The following KAT14 variants were observed in gnomAD, a reference collection of about 807,000 sequenced individuals.
KAT14 encodes the protein lysine acetyltransferase 14.
In KAT14, 66 loss-of-function variants were observed where a neutral mutation model predicts 78.4. The ratio of observed to expected loss-of-function variants is 0.84; its 90% CI spans 0.69 to 1.03. The LOEUF is 1.03. KAT14 is among the 50% of genes least tolerant of loss of function. The pLI is 0.00. For synonymous variants in KAT14, 344 were observed against 359.4 expected (o/e 0.96, Z 0.48); for missense variants, 870 against 972.5 (o/e 0.89, Z 1.40).
In KAT14 at chr20:18,162,958, A is replaced by G; in HGVS notation, c.1668+13A>G. The G allele has an allele frequency of 6.2e-7, 1 of 1,611,372 alleles. No individual in the cohort carries two copies. Among genetic ancestry groups the G allele is most frequent in the Admixed American group, 1.7e-5 (1 of 59,818 alleles). ...TGACCGATACCAGGTGAATGCAAGC[A>G]CTTGCTGTAAAGCCCTTGGGGGCAG... On this transcript the variant is annotated intron_variant, in intron 7 of 10. Coordinates refer to ENST00000688188, the MANE Select transcript of KAT14 (RefSeq NM_001392073.1).
intron 4 of KAT14, among the ~76,000 whole-genome samples, chr20:18,157,774 T>C (rs550629321): frequency 6.6e-6 from 1 of 152,330 alleles, no homozygotes; most frequent in Non-Finnish European, 1.5e-5. Flanking sequence ...CATTGCAGTA[T>C]GTGATAGGAT....
At chr20:18,170,256 C>T (rs2038797897) in intron 7 of KAT14, among the ~76,000 whole-genome samples, 1 of 152,296 alleles carries the variant, frequency 6.6e-6, no homozygotes, top group Middle Eastern at 3.4e-3. Context: ...GAAGATGCCA[C>T]CTAGGACTTT....
rs182752173 is a variant in KAT14, at chr20:18,165,420, A to G, written c.1668+2475A>G. Among the ~76,000 whole-genome samples, 691 of 152,232 alleles carry G rather than the reference A, an allele frequency of 4.5e-3. 5 individuals are homozygous for G. The highest frequency in any genetic ancestry group is 0.016 in the African/African-American group (663 of 41,530). On this transcript the variant is annotated intron_variant, in intron 7 of 10. Transcript: ENST00000688188. ...CTTATCTGGAAATAGGCCCTTTGCA[A>G]ATATAATTAGCCAAGACCACCAAGG...
intron 7 of KAT14, among the ~76,000 whole-genome samples, chr20:18,175,287 G>A (rs2038995282): frequency 6.6e-6 from 1 of 152,102 alleles, no homozygotes; most frequent in African/African-American, 2.4e-5. Context: ...TGCCCAGAGT[G>A]GTATCCACCC....
intron 7 of KAT14, among the ~76,000 whole-genome samples, chr20:18,180,135 C>G (rs2039196075): frequency 6.6e-6 from 1 of 152,172 alleles, no homozygotes; most frequent in Admixed American, 6.5e-5. Context: ...TCCCATAGTG[C>G]TAGGATTACA....
At chr20:18,180,550 CT>C (rs1317999485) in intron 7 of KAT14, among the ~76,000 whole-genome samples, 1 of 152,154 alleles carries the variant, frequency 6.6e-6, no homozygotes, top group African/African-American at 2.4e-5. Context: ...CAACACCCCA[CT>C]CCTGGTACCA....
At chr20:18,173,335 C>T (rs958951662) in intron 7 of KAT14, among the ~76,000 whole-genome samples, 5 of 152,204 alleles carry the variant, frequency 3.3e-5, no homozygotes, top group Admixed American at 6.5e-5. Flanking sequence ...AGGCTCTGCT[C>T]CCGTGTGCTG....
chr20:18,162,427 G>A lies in KAT14; in HGVS notation c.1150G>A (p.Val384Ile), dbSNP rs766608395. ...AGTCATAGACCCAGGGATGGAGTAC[G>A]TCCCACCCCCTGCTGGGTCAGTAGC... ...DGVIDPGMEY[V>I]PPPAGSVASG... Residue 384 changes from valine (V) to isoleucine (I), a missense_variant, in exon 7 of 11, where the codon GTC becomes ATC. Coordinates refer to ENST00000688188, the MANE Select transcript of KAT14 (RefSeq NM_001392073.1). The A allele has an allele frequency of 1.7e-5, 28 of 1,613,982 alleles. No homozygotes were observed. Among genetic ancestry groups the A allele is most frequent in the African/African-American group, 1.1e-4 (8 of 74,904 alleles).
At chr20:18,154,370 C>T (rs554489433) in intron 4 of KAT14, among the ~76,000 whole-genome samples, 4 of 152,206 alleles carry the variant, frequency 2.6e-5, no homozygotes, top group East Asian at 1.9e-4. Flanking sequence ...TGGAGTGCAG[C>T]GGCGTGATCT....
At chr20:18,181,052 T>G (rs991241050) in intron 7 of KAT14, among the ~76,000 whole-genome samples, 11 of 152,138 alleles carry the variant, frequency 7.2e-5, no homozygotes, top group African/African-American at 2.7e-4. Context: ...TAATATTTAG[T>G]GAATGGGTTG....
chr20:18,141,047 A>ATTTTT (rs59461611), intron 1 of KAT14, among the ~76,000 whole-genome samples: 13 of 92,842 alleles, frequency 1.4e-4, no homozygotes, highest in African/African-American at 5.3e-4. Context: ...TTTTTTTTTT[A>ATTTTT]TTTTTATTTT....
Position 18,177,068 on chromosome 20 carries a change from C to A in KAT14, c.1669-4642C>A, listed in dbSNP as rs112087934. ...GTAAGTAGTTCAGTGCCTGGTGTTA[C>A]AGTTATCTGTTGCTGCATTATAAAC... On this transcript the variant is annotated intron_variant, in intron 7 of 10. Coordinates refer to ENST00000688188, the MANE Select transcript of KAT14 (RefSeq NM_001392073.1). Among the ~76,000 whole-genome samples, 15 of 152,288 alleles carry A rather than the reference C, an allele frequency of 9.8e-5. 1 individual carries two copies. The highest frequency in any genetic ancestry group is 2.6e-4 in the African/African-American group (11 of 41,566).
At chr20:18,186,858 A>AAAGG (rs1048445319) in intron 10 of KAT14, among the ~76,000 whole-genome samples, 1 of 152,226 alleles carries the variant, frequency 6.6e-6, no homozygotes, top group Non-Finnish European at 1.5e-5. Context: ...CAGGCCTAGT[A>AAAGG]AAGGAATTTT....
chr20:18,184,485 GT>G (rs374086894), intron 9 of KAT14, 116 bp from the exon 10 acceptor site: 88,097 of 591,348 alleles, frequency 0.15, 1,477 homozygotes, highest in African/African-American at 0.25. Flanking sequence ...CAGTTTTGGT[GT>G]TTTTTTTTTT....
At chr20:18,178,093 G>A (rs1172000967) in intron 7 of KAT14, among the ~76,000 whole-genome samples, 2 of 123,290 alleles carry the variant, frequency 1.6e-5, no homozygotes, top group Non-Finnish European at 3.4e-5. Flanking sequence ...GGATAACAGA[G>A]CAAGACTCTA....
At chr20:18,173,066 C>T (rs529873944) in intron 7 of KAT14, among the ~76,000 whole-genome samples, 1 of 152,300 alleles carries the variant, frequency 6.6e-6, no homozygotes, top group Admixed American at 6.5e-5. Context: ...ATAGGTTAGG[C>T]TCTGATAAAA....
chr20:18,139,767 T>C (rs1420225616), intron 1 of KAT14, among the ~76,000 whole-genome samples: 3 of 152,080 alleles, frequency 2.0e-5, no homozygotes, highest in Non-Finnish European at 4.4e-5. Flanking sequence ...ATTAGCACAG[T>C]GGATGTGTCG....
In KAT14 at chr20:18,147,946, G is replaced by A. The variant is rs573635513; in HGVS notation, c.378+2595G>A. On this transcript the variant is annotated intron_variant, in intron 3 of 10. Coordinates refer to ENST00000688188, the MANE Select transcript of KAT14 (RefSeq NM_001392073.1). ...GATTATTTTTTCACTTCCAAAATACGTATTGATGGTGGATACTAACCTGGT... is the reference window on the plus strand; with the variant it reads ...GATTATTTTTTCACTTCCAAAATACATATTGATGGTGGATACTAACCTGGT... Among the ~76,000 whole-genome samples the A allele has an allele frequency of 9.9e-5, 15 of 152,280 alleles. No individual in the cohort carries two copies. In the South Asian group the frequency reaches 2.7e-3, roughly 27 times the overall value.
At chr20:18,160,883 A>G (rs2038394003) in intron 5 of KAT14, among the ~76,000 whole-genome samples, 1 of 151,970 alleles carries the variant, frequency 6.6e-6, no homozygotes, top group Non-Finnish European at 1.5e-5. Context: ...CCTCCAAGAA[A>G]CTGTAATAAG....
Sources: gnomAD v4.1 joint callset for allele counts (sites outside exome capture counted in the v4.1 genomes callset) on GRCh38, gnomAD v4.1.1 for gene constraint, MANE v1.5 for transcripts, NCBI Gene and HGNC (gene_info 2026-07-23, HGNC 2026-07-21) for gene names.